The following CUX2 variants were observed in gnomAD, a reference collection of about 807,000 sequenced individuals.
CUX2 encodes cut like homeobox 2, also known as homeobox protein cut-like 2.
In CUX2, 40 loss-of-function variants were observed where a neutral mutation model predicts 144.8. The ratio of observed to expected loss-of-function variants is 0.28; its 90% confidence interval spans 0.21 to 0.36. The LOEUF is 0.36. Among genes scored for constraint, CUX2 ranks in the 10% least tolerant of loss-of-function variants. The probability of loss-of-function intolerance (pLI) is 1.00; values close to 1 mark genes in which losing one functional copy is unlikely to be tolerated. For missense variants in CUX2, 1,615 were observed against 1,994.0 expected (o/e 0.81, Z 3.62); for synonymous variants, 827 against 875.6 (o/e 0.94, Z 0.98).
In CUX2 at chr12:111,146,079, A is replaced by G. The variant is rs115767980; in HGVS notation, c.64-68121A>G. Among the ~76,000 whole-genome samples, 521 of 152,272 alleles carry G rather than the reference A, an allele frequency of 3.4e-3. 4 individuals are homozygous for G. The highest frequency in any genetic ancestry group is 0.012 in the African/African-American group (497 of 41,536). ...CACAGCAAAATTGAGCAGAGCATAT[A>G]GAGAATTTCCATATATGCCTCGCCC... On this transcript the variant is annotated intron_variant, in intron 1 of 21. Coordinates refer to ENST00000261726, the MANE Select transcript of CUX2 (RefSeq NM_015267.4).
At chr12:111,078,284 A>G (rs1444798088) in intron 1 of CUX2, among the ~76,000 whole-genome samples, 4 of 152,212 alleles carry the variant, frequency 2.6e-5, no homozygotes, top group Non-Finnish European at 5.9e-5. Context: ...CAGGAAAGAA[A>G]GGACAAAGTG....
At chr12:111,250,902 C>G (rs1229757090) in intron 3 of CUX2, among the ~76,000 whole-genome samples, 3 of 152,166 alleles carry the variant, frequency 2.0e-5, no homozygotes, top group African/African-American at 7.2e-5. Context: ...TGGCCACACC[C>G]CAGGCAGGGC....
At chr12:111,056,381 A>G (rs939694699) in intron 1 of CUX2, among the ~76,000 whole-genome samples, 1 of 152,226 alleles carries the variant, frequency 6.6e-6, no homozygotes, top group African/African-American at 2.4e-5. Context: ...CTGTGGCTTC[A>G]TCTGGGCAGA....
Position 111,234,790 on chromosome 12 carries a change from C to G in CUX2, c.222+16853C>G, listed in dbSNP as rs529132902. Among the ~76,000 whole-genome samples, 14 of 151,278 alleles carry G rather than the reference C, an allele frequency of 9.3e-5. No individual in the cohort carries two copies. The East Asian group carries it at 1.2e-3, about 13-fold the overall frequency. On this transcript the variant is annotated intron_variant, in intron 3 of 21. Transcript: ENST00000261726. The stretch of plus-strand genomic sequence containing the variant: ...CTAGAGTGCAGTGGCGTGATCTCAG[C>G]TTACTGCAACCTCTGCCTCCCAGGC...
intron 1 of CUX2, among the ~76,000 whole-genome samples, chr12:111,155,541 T>C (rs1877317086): frequency 6.6e-6 from 1 of 152,164 alleles, no homozygotes; most frequent in Non-Finnish European, 1.5e-5. Flanking sequence ...AAAATTTTCA[T>C]TGGGAAAATT....
chr12:111,201,244 G>T (rs998532931), intron 1 of CUX2, among the ~76,000 whole-genome samples: 4 of 152,168 alleles, frequency 2.6e-5, no homozygotes, highest in South Asian at 2.1e-4. Context: ...GGTAGCAGGG[G>T]ATGGTGTGTC....
intron 9 of CUX2, among the ~76,000 whole-genome samples, chr12:111,300,131 T>A (rs1026710570): frequency 6.6e-6 from 1 of 152,180 alleles, no homozygotes; most frequent in Non-Finnish European, 1.5e-5. Flanking sequence ...GGCCTCTTTT[T>A]GTTGAGACAG....
intron 1 of CUX2, among the ~76,000 whole-genome samples, chr12:111,071,842 G>A (rs551531896): frequency 6.6e-6 from 1 of 152,280 alleles, no homozygotes; most frequent in Non-Finnish European, 1.5e-5. Context: ...CTGTCCAGTT[G>A]TTCCAGCACC....
At chr12:111,225,829 A>G (rs1250199938) in intron 3 of CUX2, among the ~76,000 whole-genome samples, 1 of 152,240 alleles carries the variant, frequency 6.6e-6, no homozygotes, top group African/African-American at 2.4e-5. Flanking sequence ...TTCGAGCCCA[A>G]GTCTGTGTAT....
rs1565909519 is a variant in CUX2, at chr12:111,310,637, G to A, written c.1855G>A (p.Glu619Lys). 6.2e-7 allele frequency: 1 copy of A among 1,608,028 alleles called. No homozygotes were observed. Among genetic ancestry groups the A allele is most frequent in the Non-Finnish European group, 8.5e-7 (1 of 1,175,638 alleles). Residue 619 changes from glutamate (E) to lysine (K), a missense_variant, in exon 15 of 22, where the codon GAG becomes AAG. Physicochemically the swap from Glu to Lys is moderately conservative, Grantham distance 56. This residue lies in a region of CUX2 where 71 missense variants were observed against 142.3 expected (regional missense o/e 0.50). Coordinates refer to ENST00000261726, the MANE Select transcript of CUX2 (RefSeq NM_015267.4). The surrounding 1 kb of genome is among the most constrained non-coding windows in gnomAD (Gnocchi z 7.9). ...FIKMKQFLSD[E>K]QNVLALRTIQ... is the part of the protein sequence containing the mutation. ...CAAGATGAAGCAGTTCCTGTCGGAT[G>A]AGCAGAATGTACTGGCGCTCAGGAC...
chr12:111,327,753 C>A (rs973219088), intron 18 of CUX2, among the ~76,000 whole-genome samples: 1 of 152,070 alleles, frequency 6.6e-6, no homozygotes, highest in African/African-American at 2.4e-5. Context: ...GGGTCCCCTG[C>A]TCTCCCAGAA....
In CUX2 at chr12:111,243,496, C is replaced by CTTTTTTT. The variant is rs761276935; in HGVS notation, c.223-20246_223-20240dup. ...CACACATTATGATTGGTTGATGTGC[C>CTTTTTTT]TTTTTTTTTTTTTTTTTTTTTTTTT... On this transcript the variant is annotated intron_variant, in intron 3 of 21. Coordinates refer to ENST00000261726, the MANE Select transcript of CUX2 (RefSeq NM_015267.4). Among the ~76,000 whole-genome samples the CTTTTTTT allele has an allele frequency of 8.2e-4, 66 of 80,024 alleles. 6 individuals carry two copies. The highest frequency in any genetic ancestry group is 6.4e-3 in the East Asian group (14 of 2,180). The allele number at this position is 80,024 out of a possible 152,430, so 52.5% of individuals were successfully genotyped here. A position where few individuals can be genotyped will look rare whatever the true frequency, so the allele number is the denominator to read the frequency against.
At chr12:111,290,049 C>T (rs184193533) in intron 4 of CUX2, among the ~76,000 whole-genome samples, 9 of 152,290 alleles carry the variant, frequency 5.9e-5, no homozygotes, top group African/African-American at 1.9e-4. Flanking sequence ...GGCCTCAGAG[C>T]GATGGATCTC....
intron 1 of CUX2, among the ~76,000 whole-genome samples, chr12:111,070,672 T>C (rs1871223567): frequency 6.6e-6 from 1 of 152,150 alleles, no homozygotes; most frequent in Non-Finnish European, 1.5e-5. Flanking sequence ...TCTATGGGCT[T>C]GGACAAGTGT....
intron 1 of CUX2, among the ~76,000 whole-genome samples, chr12:111,051,629 T>TGAACAGATTC: frequency 6.6e-6 from 1 of 152,186 alleles, no homozygotes; most frequent in African/African-American, 2.4e-5. Context: ...CCTTTGAATC[T>TGAACAGATTC]AAAGCGTGTC....
chr12:111,242,598 T>G (rs1883080235), intron 3 of CUX2, among the ~76,000 whole-genome samples: 1 of 152,062 alleles, frequency 6.6e-6, no homozygotes, highest in Admixed American at 6.6e-5. Flanking sequence ...CAGATCACCT[T>G]AGGTCAGGAA....
intron 14 of CUX2, among the ~76,000 whole-genome samples, chr12:111,309,092 A>G (rs552798603): frequency 6.4e-4 from 98 of 152,050 alleles, no homozygotes; most frequent in African/African-American, 2.2e-3. Context: ...TTTAGCAGAG[A>G]TGGGGTTTCA....
intron 1 of CUX2, among the ~76,000 whole-genome samples, chr12:111,098,607 G>A (rs1249290845): frequency 6.6e-6 from 1 of 152,222 alleles, no homozygotes; most frequent in African/African-American, 2.4e-5. Context: ...CGGGGACTGC[G>A]GAGCCCCAGT....
chr12:111,157,924 C>T (rs1328396763), intron 1 of CUX2, among the ~76,000 whole-genome samples: 1 of 152,096 alleles, frequency 6.6e-6, no homozygotes, highest in Non-Finnish European at 1.5e-5. Flanking sequence ...GCACAACATC[C>T]ATGAGACCAC....
Sources: allele counts gnomAD v4.1 joint callset (sites outside exome capture counted in the v4.1 genomes callset), GRCh38; gene constraint gnomAD v4.1.1; regional missense constraint gnomAD v4.1.1; non-coding constraint Gnocchi (gnomAD v3.1); transcripts MANE v1.5; gene names NCBI Gene and HGNC (gene_info 2026-07-23, HGNC 2026-07-21).